The following EXOC6B variants were observed in gnomAD, a reference collection of about 807,000 sequenced individuals.
The protein encoded by EXOC6B is SEC15 homolog B.
Under a neutral mutation model 113.5 loss-of-function variants are expected in EXOC6B, and 54 were observed. The observed-to-expected ratio is 0.48, with a 90% CI of 0.38 to 0.60. The LOEUF (loss-of-function observed/expected upper bound fraction) is 0.60, where lower values mean the gene tolerates loss of function less well. Ranked by LOEUF, EXOC6B falls within the 20% of genes least tolerant of loss-of-function variation. EXOC6B has a pLI of 0.00. For missense variants in EXOC6B, 797 were observed against 977.5 expected, an observed-to-expected ratio of 0.82 and a Z score of 2.46; for synonymous variants, 357 against 339.0, an observed-to-expected ratio of 1.05 and a Z score of -0.58.
At position 72,731,685 on chromosome 2, in the gene EXOC6B, A is replaced by G. The variant is rs1015628435; in HGVS notation, c.328-440T>C. ...ATAACTAGAAGAAATTGTACTCCAC[A>G]GAATTTAGAATGTGAGACAAACTTC... On this transcript the variant is annotated intron_variant, in intron 3 of 21. Transcript: ENST00000272427. 5.9e-5 allele frequency among the ~76,000 whole-genome samples: 9 copies of G among 152,214 alleles called. No homozygotes were observed. In the South Asian group the frequency reaches 1.0e-3, roughly 18 times the overall value.
Position 72,823,466 on chromosome 2 carries a change from AAAAAAAAAAAAACAAAAAAC to A in EXOC6B, c.113+2312_113+2331del, listed in dbSNP as rs1189502540. ...CTCAAATCAAAGTTTTAAGAAAAAAAAAAAAAAAAAAACAAAAAACAAAAAAAAAGACAGTGGCCAGGCAC... is the reference window on the plus strand; with the variant it reads ...CTCAAATCAAAGTTTTAAGAAAAAAAAAAAAAAAAGACAGTGGCCAGGCAC... On this transcript the variant is annotated intron_variant, in intron 1 of 21. Coordinates refer to ENST00000272427, the MANE Select transcript of EXOC6B (RefSeq NM_015189.3). 9.1e-4 allele frequency among the ~76,000 whole-genome samples: 122 copies of A among 134,612 alleles called. 1 individual carries two copies. The highest frequency in any genetic ancestry group is 1.5e-3 in the Non-Finnish European group (98 of 65,080). 88.3% of individuals were successfully genotyped at this position (134,612 alleles called of 152,430 possible). A position where few individuals can be genotyped will look rare whatever the true frequency, so the allele number is the denominator to read the frequency against.
chr2:72,210,280 A>G (rs994799498), intron 20 of EXOC6B, among the ~76,000 whole-genome samples: 3 of 152,210 alleles, frequency 2.0e-5, no homozygotes, highest in African/African-American at 7.2e-5. Context: ...AGGAATTTAC[A>G]ATTAATTAAG....
intron 18 of EXOC6B, among the ~76,000 whole-genome samples, chr2:72,421,866 T>C (rs1403127421): frequency 4.6e-5 from 7 of 152,220 alleles, no homozygotes; most frequent in Non-Finnish European, 7.4e-5. Flanking sequence ...CGTGCAGCGC[T>C]TGCGGGCCAG....
chr2:72,673,879 A>C (rs1435435409), intron 6 of EXOC6B, among the ~76,000 whole-genome samples: 1 of 151,782 alleles, frequency 6.6e-6, no homozygotes, highest in East Asian at 1.9e-4. Context: ...TAAATTCCTA[A>C]GATTAGTCTT....
intron 8 of EXOC6B, among the ~76,000 whole-genome samples, chr2:72,530,835 G>A (rs759702703): frequency 4.0e-5 from 6 of 151,774 alleles, no homozygotes; most frequent in Non-Finnish European, 8.8e-5. Flanking sequence ...AATAAACCTC[G>A]GTCTCTGGTA....
At chr2:72,366,814 C>T (rs1331131541) in intron 19 of EXOC6B, among the ~76,000 whole-genome samples, 2 of 150,962 alleles carry the variant, frequency 1.3e-5, no homozygotes, top group African/African-American at 2.4e-5. Context: ...ACCCTATTAA[C>T]CTAGAATTCA....
intron 11 of EXOC6B, among the ~76,000 whole-genome samples, chr2:72,509,570 C>T: frequency 6.6e-6 from 1 of 152,000 alleles, no homozygotes; most frequent in Non-Finnish European, 1.5e-5. Flanking sequence ...AAATTAACTA[C>T]TCAAAAACGT....
rs190409464 is a variant in EXOC6B, at chr2:72,367,281, A to G, written c.2122+12448T>C. 2.2e-3 allele frequency among the ~76,000 whole-genome samples: 341 copies of G among 152,302 alleles called. 2 individuals are homozygous for G. Among genetic ancestry groups the G allele is most frequent in the Non-Finnish European group, 2.0e-3 (136 of 68,016 alleles). On this transcript the variant is annotated intron_variant, in intron 19 of 21. Transcript: ENST00000272427. ...AATCCAGGAACAATAACTAAAATAT[A>G]CAACAGAGTCTGAGCTAATAAACTA...
chr2:72,279,867 C>T (rs1558516537), intron 20 of EXOC6B, among the ~76,000 whole-genome samples: 2 of 151,920 alleles, frequency 1.3e-5, no homozygotes, highest in Non-Finnish European at 2.9e-5. Context: ...GTCTCGAATT[C>T]GTGAGCTCAA....
intron 20 of EXOC6B, among the ~76,000 whole-genome samples, chr2:72,247,371 G>A (rs1682730893): frequency 6.6e-6 from 1 of 152,144 alleles, no homozygotes; most frequent in Admixed American, 6.5e-5. Context: ...TACAGCACTA[G>A]GATACCTAAA....
At chr2:72,181,343 G>A (rs1678072718) in intron 21 of EXOC6B, among the ~76,000 whole-genome samples, 1 of 152,198 alleles carries the variant, frequency 6.6e-6, no homozygotes, top group East Asian at 1.9e-4. Context: ...TGGAAGGGAA[G>A]AAGAAGGGGA....
At chr2:72,183,309 G>T (rs1327308130) in intron 21 of EXOC6B, among the ~76,000 whole-genome samples, 3 of 152,140 alleles carry the variant, frequency 2.0e-5, no homozygotes. Context: ...TATGGGTCTT[G>T]GTCTCTGACC....
At chr2:72,793,265 T>C (rs1412082190) in intron 1 of EXOC6B, among the ~76,000 whole-genome samples, 1 of 152,176 alleles carries the variant, frequency 6.6e-6, no homozygotes, top group Non-Finnish European at 1.5e-5. Context: ...ATACAAAGAC[T>C]TTCCAAATGT....
At chr2:72,411,407 T>C (rs1694178779) in intron 18 of EXOC6B, among the ~76,000 whole-genome samples, 1 of 152,076 alleles carries the variant, frequency 6.6e-6, no homozygotes, top group African/African-American at 2.4e-5. Flanking sequence ...CAGCTACATA[T>C]TGGATTTTAG....
chr2:72,795,540 C>T (rs1259548766), intron 1 of EXOC6B, among the ~76,000 whole-genome samples: 1 of 152,046 alleles, frequency 6.6e-6, no homozygotes, highest in Non-Finnish European at 1.5e-5. Context: ...CACGCCACTG[C>T]ACTCCAGCCT....
At chr2:72,361,656 C>G (rs1472422745) in intron 19 of EXOC6B, among the ~76,000 whole-genome samples, 3 of 152,090 alleles carry the variant, frequency 2.0e-5, no homozygotes. Flanking sequence ...AGTGAGATCT[C>G]TTTATAAAGA....
At chr2:72,264,553 G>A (rs770691594) in intron 20 of EXOC6B, among the ~76,000 whole-genome samples, 33 of 151,952 alleles carry the variant, frequency 2.2e-4, no homozygotes, top group Non-Finnish European at 2.6e-4. Context: ...CCTAGGTGAC[G>A]AGCGAAATTC....
At chr2:72,243,143 A>G (rs1156860682) in intron 20 of EXOC6B, among the ~76,000 whole-genome samples, 1 of 152,160 alleles carries the variant, frequency 6.6e-6, no homozygotes, top group Non-Finnish European at 1.5e-5. Flanking sequence ...CTCAGAGTTC[A>G]GCATGAATGG....
chr2:72,409,692 G>A (rs1694033686), intron 18 of EXOC6B, among the ~76,000 whole-genome samples: 1 of 138,308 alleles, frequency 7.2e-6, no homozygotes, highest in Non-Finnish European at 1.5e-5. Flanking sequence ...ACAGGAAGGG[G>A]AACATCACAC....
Sources: gnomAD v4.1 joint callset for allele counts (sites outside exome capture counted in the v4.1 genomes callset) on GRCh38, gnomAD v4.1.1 for gene constraint, MANE v1.5 for transcripts, NCBI Gene and HGNC (gene_info 2026-07-23, HGNC 2026-07-21) for gene names.